CDK20: variants seen among roughly 807,000 people sequenced by gnomAD.
The protein encoded by CDK20 is cyclin dependent kinase 20.
A neutral mutation model predicts 38.6 loss-of-function variants in CDK20; 40 were observed. The observed-to-expected ratio is 1.04, with a 90% CI of 0.81 to 1.35. The LOEUF (loss-of-function observed/expected upper bound fraction) is 1.35. CDK20 is among the 40% of genes most tolerant of loss of function. The pLI, the probability that CDK20 is intolerant of heterozygous loss-of-function variation, is 0.00. For synonymous variants in CDK20, 209 were observed against 185.7 expected (o/e 1.13, Z -1.02); for missense variants, 512 against 452.6 (o/e 1.13, Z -1.19).
At position 87,974,433 on chromosome 9, in the gene CDK20, C is replaced by T; in HGVS notation, c.14G>A (p.Cys5Tyr). The change falls in exon 1 of 8, where the codon TGC becomes TAC. Residue 5 changes from cysteine to tyrosine, a missense_variant. Coordinates refer to ENST00000325303, the MANE Select transcript of CDK20 (RefSeq NM_001039803.3). ...GCCCTCCCCGATGCGGCCCAGGATG[C>T]AGTACTGGTCCATCCCGCTGCAGTC... Reference protein sequence around the residue: MDQYCILGRIGEGAH... With the variant: MDQYYILGRIGEGAH... 1 of 1,612,450 alleles carries T rather than the reference C, an allele frequency of 6.2e-7. No homozygotes were observed. The highest frequency in any genetic ancestry group is 1.1e-5 in the South Asian group (1 of 91,082).
At position 87,970,637 on chromosome 9, in the gene CDK20, G is replaced by A. The variant is rs764521003; in HGVS notation, c.501-7C>T. On this transcript the variant is annotated splice_polypyrimidine_tract_variant and splice_region_variant and intron_variant, in intron 4 of 7. Coordinates refer to ENST00000325303, the MANE Select transcript of CDK20 (RefSeq NM_001039803.3). ...CTCGGGGGCTCGGTACCACCTGCGA[G>A]GAAGAGGGCTGGCAGGCACTGGGCT... The A allele has an allele frequency of 3.7e-6, 6 of 1,613,972 alleles. No homozygotes were observed. In the Admixed American group the frequency reaches 6.7e-5, roughly 18 times the overall value.
chr9:87,974,297 A>G, intron 1 of CDK20, 75 bp downstream of exon 1: 1 of 1,483,968 alleles, frequency 6.7e-7, no homozygotes, highest in Non-Finnish European at 9.3e-7. Flanking sequence ...AAGGGAACCG[A>G]AACAGTTTAG....
At chr9:87,970,681 G>A in intron 4 of CDK20, 51 bp from the exon 5 acceptor site, 2 of 1,613,488 alleles carry the variant, frequency 1.2e-6, no homozygotes, top group Non-Finnish European at 1.7e-6. Flanking sequence ...GATGCCTGGG[G>A]AGGTGACCCC....
chr9:87,971,083 C>A, intron 3 of CDK20, 64 bp downstream of exon 3: 1 of 1,562,534 alleles, frequency 6.4e-7, no homozygotes, highest in Non-Finnish European at 8.7e-7. Flanking sequence ...TTTACAAGGG[C>A]TAGCCCCATC....
In CDK20 at chr9:87,971,311, G is replaced by A; in HGVS notation, c.214C>T (p.Pro72Ser). 6.2e-7 allele frequency: 1 copy of A among 1,613,532 alleles called. No homozygotes were observed. The highest frequency in any genetic ancestry group is 8.5e-7 in the Non-Finnish European group (1 of 1,179,736). ...GCCAGCACAAAGCCTCCACCGTGTG[G>A]GAACACAGCCTTCAGTTGTACCACC... ...QYVVQLKAVF[P>S]HGGGFVLAFE... Residue 72 changes from proline (P) to serine (S), a missense_variant, in exon 3 of 8, where the codon CCA (proline) becomes TCA (serine). By Grantham distance (74) the Pro-to-Ser change is moderately conservative (BLOSUM62 -1). Coordinates refer to ENST00000325303, the MANE Select transcript of CDK20 (RefSeq NM_001039803.3).
In CDK20 at chr9:87,973,947, A is replaced by G. The variant is rs1354021079; in HGVS notation, c.164T>C (p.Leu55Pro). 6.2e-7 allele frequency: 1 copy of G among 1,614,108 alleles called. No homozygotes were observed. The highest frequency in any genetic ancestry group is 1.7e-5 in the Admixed American group (1 of 60,020). The change falls in exon 2 of 8, where the codon CTG (leucine) becomes CCG (proline). Residue 55 changes from leucine (L) to proline (P), a missense_variant. Leu to Pro is a moderately conservative substitution (Grantham distance 98). Coordinates refer to ENST00000325303, the MANE Select transcript of CDK20 (RefSeq NM_001039803.3). Reference sequence around the variant, plus strand: ...ATACTGATTGTCCTCCATCTCCTGCAGAGCCTTAATCTCCCGCAGGGCCTG... The same window carrying G: ...ATACTGATTGTCCTCCATCTCCTGCGGAGCCTTAATCTCCCGCAGGGCCTG... ...PNQALREIKALQEMEDNQYVV... is the reference protein window; with the variant it reads ...PNQALREIKAPQEMEDNQYVV...
chr9:87,966,867 T>C lies in CDK20; in HGVS notation c.*595A>G. On this transcript the variant is annotated 3_prime_UTR_variant, in exon 8 of 8. Coordinates refer to ENST00000325303, the MANE Select transcript of CDK20 (RefSeq NM_001039803.3). Reference sequence around the variant, plus strand: ...CCCTCAGGGCAAAAGTGGCTATGCCTGGTGCTACCCTCCCCATGACCCCAA... The same window carrying C: ...CCCTCAGGGCAAAAGTGGCTATGCCCGGTGCTACCCTCCCCATGACCCCAA... 2.7e-6 allele frequency: 1 copy of C among 365,226 alleles called. No individual in the cohort carries two copies. Among genetic ancestry groups the C allele is most frequent in the African/African-American group, 2.1e-5 (1 of 47,058 alleles). 22.6% of individuals were successfully genotyped at this position (365,226 alleles called of 1,614,324 possible). A position where few individuals can be genotyped will look rare whatever the true frequency, so the allele number is the denominator to read the frequency against.
intron 7 of CDK20, chr9:87,968,894 G>A (rs145687898): frequency 1.2e-3 from 497 of 412,368 alleles, no homozygotes; most frequent in African/African-American, 8.6e-3. Context: ...ATCTGCCACA[G>A]GGTCAGGGGC....
Position 87,967,058 on chromosome 9 carries a change from C to T in CDK20, c.*404G>A. On this transcript the variant is annotated 3_prime_UTR_variant, in exon 8 of 8. Transcript: ENST00000325303. Reference sequence around the variant, plus strand: ...AAAACCAAACCAAATCTTCCTTCCACTTGAGTTTCCAACATAAGGACACCT... The same window carrying T: ...AAAACCAAACCAAATCTTCCTTCCATTTGAGTTTCCAACATAAGGACACCT... 1 of 530,184 alleles carries T rather than the reference C, an allele frequency of 1.9e-6. No homozygotes were observed. The highest frequency in any genetic ancestry group is 1.4e-5 in the South Asian group (1 of 71,568). The allele number at this position is 530,184 out of a possible 1,614,324, so 32.8% of individuals were successfully genotyped here.
intron 2 of CDK20, 76 bp from the exon 3 acceptor site, chr9:87,971,411 T>C (rs1224361863): frequency 7.3e-7 from 1 of 1,376,750 alleles, no homozygotes; most frequent in Non-Finnish European, 1.0e-6. Flanking sequence ...CCCCAGCCCA[T>C]GCCCTGACAG....
At chr9:87,968,949 G>T in intron 7 of CDK20, 1 of 522,392 alleles carries the variant, frequency 1.9e-6, no homozygotes, top group Non-Finnish European at 3.4e-6. Flanking sequence ...CCTGAGAGTT[G>T]GGCATGCCCC....
chr9:87,971,708 C>T (rs1829870322), intron 2 of CDK20, among the ~76,000 whole-genome samples: 1 of 152,144 alleles, frequency 6.6e-6, no homozygotes, highest in Admixed American at 6.5e-5. Context: ...AAGGAAAGGA[C>T]ACCAGGAATC....
intron 4 of CDK20, 55 bp downstream of exon 4, chr9:87,970,721 C>T (rs1245154335): frequency 6.2e-7 from 1 of 1,613,050 alleles, no homozygotes; most frequent in Non-Finnish European, 8.5e-7. Flanking sequence ...GGAGAAAAGG[C>T]CCAGAAGCAT....
intron 5 of CDK20, chr9:87,970,295 A>G: frequency 2.0e-6 from 1 of 507,992 alleles, no homozygotes; most frequent in Non-Finnish European, 3.5e-6. Flanking sequence ...ATCTAACTCC[A>G]GCACATATCG....
chr9:87,968,978 G>A (rs973511041), intron 7 of CDK20: 2 of 568,690 alleles, frequency 3.5e-6, no homozygotes, highest in Non-Finnish European at 6.2e-6. Context: ...GCCACCCTCA[G>A]GGGAAGTCTG....
rs1280472166 is a variant in CDK20, at chr9:87,971,321, C to T, written c.204G>A (p.Lys68=). 1.2e-6 allele frequency: 2 copies of T among 1,613,028 alleles called. No individual in the cohort carries two copies. ...AGCCTCCACCGTGTGGGAACACAGC[C>T]TTCAGTTGTACCACCTGTGGGCAGG... The part of the protein sequence containing the change: ...MEDNQYVVQL[K]AVFPHGGGFV... Residue 68 remains lysine, a synonymous_variant, in exon 3 of 8, where the codon AAG becomes AAA. Transcript: ENST00000325303.
intron 7 of CDK20, chr9:87,968,886 C>G (rs1224862904): frequency 2.5e-6 from 1 of 393,380 alleles, no homozygotes; most frequent in Non-Finnish European, 4.6e-6. Flanking sequence ...CTTACTGTAT[C>G]TGCCACAGGG....
At chr9:87,968,761 C>T (rs112922065) in intron 7 of CDK20, 25 of 159,122 alleles carry the variant, frequency 1.6e-4, no homozygotes, top group East Asian at 1.8e-4. Context: ...GAGTGCCCCG[C>T]GGAGGTAGGA....
At chr9:87,973,572 T>G (rs1264915509) in intron 2 of CDK20, among the ~76,000 whole-genome samples, 1 of 152,136 alleles carries the variant, frequency 6.6e-6, no homozygotes, top group South Asian at 2.1e-4. Flanking sequence ...AAAATGACAA[T>G]GTATATAATG....
Sources: allele counts gnomAD v4.1 joint callset (sites outside exome capture counted in the v4.1 genomes callset), GRCh38; gene constraint gnomAD v4.1.1; transcripts MANE v1.5; gene names NCBI Gene and HGNC (gene_info 2026-07-23, HGNC 2026-07-21).